Variants in RASGRF2 observed in about 807,000 individuals in gnomAD.
RASGRF2 encodes the protein Ras protein specific guanine nucleotide releasing factor 2, also known as ras-specific guanine nucleotide-releasing factor 2.
RASGRF2 carries 76 observed loss-of-function variants against 151.0 expected under a neutral mutation model. That is an observed-to-expected ratio of 0.50 (90% CI 0.42 to 0.61). The LOEUF (loss-of-function observed/expected upper bound fraction) is 0.61, where lower values mean the gene tolerates loss of function less well. Among genes scored for constraint, RASGRF2 ranks in the 20% least tolerant of loss-of-function variants. The pLI is 0.00. For missense variants in RASGRF2, 1,148 were observed against 1,564.6 expected (o/e 0.73, Z 4.49); for synonymous variants, 504 against 566.5 (o/e 0.89, Z 1.57).
At chr5:81,139,810 C>G (rs1753841493) in intron 17 of RASGRF2, among the ~76,000 whole-genome samples, 1 of 151,992 alleles carries the variant, frequency 6.6e-6, no homozygotes, top group Non-Finnish European at 1.5e-5. Flanking sequence ...GTACACATCC[C>G]ATTGGAATTC....
intron 3 of RASGRF2, among the ~76,000 whole-genome samples, chr5:81,068,726 A>G (rs529212486): frequency 2.0e-5 from 3 of 152,060 alleles, no homozygotes; most frequent in African/African-American, 7.2e-5. Context: ...CCTCCCTCAG[A>G]GTGTGAACTT....
At chr5:81,176,371 G>T (rs1413063078) in intron 17 of RASGRF2, among the ~76,000 whole-genome samples, 1 of 152,182 alleles carries the variant, frequency 6.6e-6, no homozygotes, top group East Asian at 1.9e-4. Context: ...AAATATTTGG[G>T]GGGCTTTAGA....
chr5:81,043,663 T>C (rs1274846920), intron 2 of RASGRF2, among the ~76,000 whole-genome samples: 1 of 152,214 alleles, frequency 6.6e-6, no homozygotes, highest in Non-Finnish European at 1.5e-5. Context: ...TTGTTTCCCA[T>C]GGCTCTCAAG....
intron 24 of RASGRF2, chr5:81,217,139 A>G: frequency 1.5e-6 from 1 of 656,834 alleles, no homozygotes; most frequent in Non-Finnish European, 2.4e-6. Flanking sequence ...TTTTTTTTCA[A>G]ACACGTAGTA....
At chr5:81,126,987 T>C (rs1381536818) in intron 16 of RASGRF2, 87 bp from the exon 17 acceptor site, 1 of 1,428,210 alleles carries the variant, frequency 7.0e-7, no homozygotes, top group Admixed American at 1.8e-5. Context: ...GTCCTTCATC[T>C]GGTGCAGGAA....
At chr5:81,018,291 T>C (rs1303156658) in intron 1 of RASGRF2, among the ~76,000 whole-genome samples, 2 of 152,078 alleles carry the variant, frequency 1.3e-5, no homozygotes, top group Non-Finnish European at 2.9e-5. Context: ...GGGGAGGGAA[T>C]GGTATCAAGA....
At chr5:81,087,446 T>A (rs1463686481) in intron 9 of RASGRF2, 1 of 643,432 alleles carries the variant, frequency 1.6e-6, no homozygotes, top group East Asian at 2.7e-5. Flanking sequence ...AACTGGTAAC[T>A]CCCGTTGCCA....
chr5:81,166,282 G>A (rs961543693), intron 17 of RASGRF2, among the ~76,000 whole-genome samples: 2 of 152,040 alleles, frequency 1.3e-5, no homozygotes, highest in African/African-American at 2.4e-5. Context: ...TGCCTCCCAG[G>A]TTCAAGCAAT....
Position 81,200,869 on chromosome 5 carries a change from T to C in RASGRF2, c.2794-461T>C, listed in dbSNP as rs560130399. Reference sequence around the variant, plus strand: ...ATGGAGGCGGCATAGTGTTCCAGGCTATGAGAAGCACATATCTCTTGAGGA... The same window carrying C: ...ATGGAGGCGGCATAGTGTTCCAGGCCATGAGAAGCACATATCTCTTGAGGA... On this transcript the variant is annotated intron_variant, in intron 18 of 26. Transcript: ENST00000265080. 9.9e-5 allele frequency among the ~76,000 whole-genome samples: 15 copies of C among 152,250 alleles called. No individual in the cohort carries two copies. The South Asian group carries it at 2.7e-3, about 27-fold the overall frequency.
intron 1 of RASGRF2, among the ~76,000 whole-genome samples, chr5:81,031,711 T>C (rs868028185): frequency 8.6e-5 from 13 of 152,010 alleles, no homozygotes; most frequent in Admixed American, 2.0e-4. Flanking sequence ...AGATCTAAAA[T>C]TGACACCCTA....
chr5:81,204,387 A>G (rs1270620736), intron 19 of RASGRF2: 8 of 151,610 alleles, frequency 5.3e-5, no homozygotes. Context: ...AGAGATTTAT[A>G]TGCATTCCTG....
chr5:81,043,301 A>C (rs1342390154), intron 2 of RASGRF2, among the ~76,000 whole-genome samples: 2 of 152,200 alleles, frequency 1.3e-5, no homozygotes, highest in Non-Finnish European at 2.9e-5. Flanking sequence ...CTCTGTCAAC[A>C]ATCGGCAAGA....
chr5:81,165,146 T>C (rs1000078087), intron 17 of RASGRF2, among the ~76,000 whole-genome samples: 2 of 152,102 alleles, frequency 1.3e-5, no homozygotes, highest in African/African-American at 4.8e-5. Flanking sequence ...GAGTCCTCAG[T>C]TGCTGAACTG....
chr5:81,194,189 A>AAAG (rs1755210828), intron 18 of RASGRF2, among the ~76,000 whole-genome samples: 1 of 151,254 alleles, frequency 6.6e-6, no homozygotes, highest in Non-Finnish European at 1.5e-5. Flanking sequence ...TAAAAAAAAA[A>AAAG]AAAAAAAATC....
chr5:81,102,991 T>TAATA (rs1752741496), intron 12 of RASGRF2, among the ~76,000 whole-genome samples: 1 of 151,854 alleles, frequency 6.6e-6, no homozygotes, highest in Admixed American at 6.6e-5. Flanking sequence ...GAACCTGAAG[T>TAATA]AATAGGGTGA....
chr5:81,075,658 A>G (rs1269976966), intron 5 of RASGRF2, among the ~76,000 whole-genome samples: 1 of 152,214 alleles, frequency 6.6e-6, no homozygotes, highest in Non-Finnish European at 1.5e-5. Flanking sequence ...TGTTTACTAA[A>G]TGGTAAAGAT....
chr5:81,089,780 T>G (rs1184180135), intron 9 of RASGRF2, among the ~76,000 whole-genome samples: 1 of 152,162 alleles, frequency 6.6e-6, no homozygotes, highest in Non-Finnish European at 1.5e-5. Context: ...TAAATTGGAG[T>G]TAATAGTAGT....
chr5:80,960,874 C>T lies in RASGRF2; in HGVS notation c.136C>T (p.Leu46Phe). ...CCGCTGGCACGAGAAGTGGTTCGCC[C>T]TCTACCAGAATGTGCTCTTCTACTT... ...ASRWHEKWFA[L>F]YQNVLFYFEG... The change falls in exon 1 of 27, where the codon CTC becomes TTC. Residue 46 changes from leucine (L) to phenylalanine (F), a missense_variant. By Grantham distance (22) the Leu-to-Phe change is conservative. Around this residue, in one of 5 missense-constraint regions of RASGRF2, gnomAD observed 221 missense variants for 271.3 expected, o/e 0.81. Transcript: ENST00000265080. The surrounding 1 kb of genome is among the most constrained non-coding windows in gnomAD (Gnocchi z 5.5). 1 of 1,613,482 alleles carries T rather than the reference C, an allele frequency of 6.2e-7. No individual in the cohort carries two copies. The highest frequency in any genetic ancestry group is 8.5e-7 in the Non-Finnish European group (1 of 1,179,626).
intron 24 of RASGRF2, among the ~76,000 whole-genome samples, chr5:81,216,373 A>G (rs897026836): frequency 1.6e-5 from 2 of 127,778 alleles, no homozygotes; most frequent in African/African-American, 3.2e-5. Flanking sequence ...ACACACGCAC[A>G]CACACACACA....
Sources: gnomAD v4.1 joint callset for allele counts (sites outside exome capture counted in the v4.1 genomes callset) on GRCh38, gnomAD v4.1.1 for gene constraint, gnomAD v4.1.1 regional missense constraint, Gnocchi (gnomAD v3.1) non-coding constraint, MANE v1.5 for transcripts, NCBI Gene and HGNC (gene_info 2026-07-23, HGNC 2026-07-21) for gene names.